The following TSC22D3 variants were observed in gnomAD, a reference collection of about 807,000 sequenced individuals.
TSC22D3 encodes the protein TSC22 domain family member 3.
Under a neutral mutation model 11.1 loss-of-function variants are expected in TSC22D3, and 4 were observed. That is an observed-to-expected ratio of 0.36 (90% CI 0.18 to 0.83). The LOEUF is 0.83. Ranked by LOEUF, TSC22D3 falls within the 40% of genes least tolerant of loss-of-function variation. The pLI is 0.48. For missense variants in TSC22D3, 118 were observed against 159.4 expected (o/e 0.74, Z 1.40); for synonymous variants, 77 against 70.3 (o/e 1.10, Z -0.48).
intron 1 of TSC22D3, chrX:107,722,239 T>G (rs926378733): frequency 1.3e-4 from 22 of 173,734 alleles, no homozygotes; most frequent in Non-Finnish European, 2.1e-4. Flanking sequence ...GGTGGAGAGA[T>G]GGACACTGTC....
Position 107,715,890 on chromosome X carries a change from G to A in TSC22D3, c.372+9C>T, listed in dbSNP as rs1428230488. 1 of 1,208,989 alleles carries A rather than the reference G, an allele frequency of 8.3e-7. No homozygotes were observed. Among genetic ancestry groups the A allele is most frequent in the Non-Finnish European group, 1.1e-6 (1 of 894,327 alleles). On this transcript the variant is annotated intron_variant, in intron 2 of 2. Transcript: ENST00000372383. ...CAGGGGATGAGAATGACGCAGTGATGCCACTCACCATGGCCTGTTCGATCT... is the reference window on the plus strand; with the variant it reads ...CAGGGGATGAGAATGACGCAGTGATACCACTCACCATGGCCTGTTCGATCT...
chrX:107,767,150 C>T (rs1157422776), intron 1 of TSC22D3, among the ~76,000 whole-genome samples: 1 of 112,090 alleles, frequency 8.9e-6, no homozygotes, highest in Non-Finnish European at 1.9e-5. Context: ...TGAACAGCTG[C>T]TCTCCATCTC....
intron 1 of TSC22D3, among the ~76,000 whole-genome samples, chrX:107,771,989 T>C (rs1044775635): frequency 5.3e-5 from 6 of 112,717 alleles, no homozygotes; most frequent in African/African-American, 1.9e-4. Context: ...AATATTTAAG[T>C]AGTCATCCAA....
intron 1 of TSC22D3, among the ~76,000 whole-genome samples, chrX:107,720,247 C>T (rs1927257777): frequency 9.0e-6 from 1 of 110,556 alleles, no homozygotes; most frequent in Non-Finnish European, 1.9e-5. Context: ...AGCCCAGACT[C>T]AGACAAGCTC....
chrX:107,754,639 A>G (rs962131280), intron 1 of TSC22D3, among the ~76,000 whole-genome samples: 1 of 111,961 alleles, frequency 8.9e-6, no homozygotes, highest in African/African-American at 3.2e-5. Context: ...AACAAGCATG[A>G]CCCTGGATGC....
At chrX:107,749,272 G>A (rs767199967) in intron 1 of TSC22D3, among the ~76,000 whole-genome samples, 1 of 110,184 alleles carries the variant, frequency 9.1e-6, no homozygotes, top group South Asian at 4.0e-4. Context: ...AGCTACTCAG[G>A]AGCTGAGGCA....
chrX:107,772,954 C>T (rs1004495075), intron 1 of TSC22D3, among the ~76,000 whole-genome samples: 2 of 112,818 alleles, frequency 1.8e-5, no homozygotes, highest in African/African-American at 3.2e-5. Context: ...CCAGCCTTAG[C>T]GAAGCCTGAG....
At chrX:107,770,014 G>T (rs1929836411) in intron 1 of TSC22D3, among the ~76,000 whole-genome samples, 1 of 112,360 alleles carries the variant, frequency 8.9e-6, no homozygotes, top group Non-Finnish European at 1.9e-5. Context: ...AAATTACTTT[G>T]GGCTATGAAA....
chrX:107,714,725 A>G lies in TSC22D3; in HGVS notation c.397T>C (p.Tyr133His). 1.7e-6 allele frequency: 2 copies of G among 1,211,535 alleles called. No individual in the cohort carries two copies. The highest frequency in any genetic ancestry group is 3.0e-5 in the East Asian group (1 of 33,831). Residue 133 changes from tyrosine (Y) to histidine (H), a missense_variant, in exon 3 of 3, where the codon TAT becomes CAT. Tyr to His is a moderately conservative substitution (Grantham distance 83, BLOSUM62 2). Coordinates refer to ENST00000372383, the MANE Select transcript of TSC22D3 (RefSeq NM_198057.3). ...AMDLVKNHLM[Y>H]AVREEVEILK... ...ATCTCCACCTCCTCTCTCACAGCAT[A>G]CATCAGATGATTCTTCACCAGATCC... is the stretch of plus-strand genomic sequence containing the variant.
At chrX:107,743,739 T>C (rs1388906827) in intron 1 of TSC22D3, among the ~76,000 whole-genome samples, 1 of 112,210 alleles carries the variant, frequency 8.9e-6, no homozygotes. Context: ...CTGCCCTCAT[T>C]CTTTCTAGAG....
chrX:107,766,530 G>A (rs1427959156), intron 1 of TSC22D3, among the ~76,000 whole-genome samples: 1 of 100,785 alleles, frequency 9.9e-6, no homozygotes, highest in Non-Finnish European at 2.0e-5. Context: ...AAGGAAGAGG[G>A]ACTTCTGCGA....
chrX:107,746,204 C>T (rs1216036605), intron 1 of TSC22D3, among the ~76,000 whole-genome samples: 2 of 111,146 alleles, frequency 1.8e-5, no homozygotes, highest in African/African-American at 3.3e-5. Context: ...AGAGGGGGCA[C>T]CTCTCTCTGT....
intron 1 of TSC22D3, among the ~76,000 whole-genome samples, chrX:107,721,283 C>T (rs751446821): frequency 8.9e-6 from 1 of 112,226 alleles, no homozygotes; most frequent in African/African-American, 3.2e-5. Context: ...GAAAGAAGTG[C>T]CTCAGCATTT....
chrX:107,774,944 C>T, intron 1 of TSC22D3, 156 bp downstream of exon 1: 1 of 604,397 alleles, frequency 1.7e-6, no homozygotes, highest in Middle Eastern at 5.0e-4. Context: ...CTCCGCGGTA[C>T]TCCAGGCAAC....
At chrX:107,728,216 A>G (rs1437739459) in intron 1 of TSC22D3, among the ~76,000 whole-genome samples, 1 of 112,257 alleles carries the variant, frequency 8.9e-6, no homozygotes, top group Non-Finnish European at 1.9e-5. Context: ...CTCGTGGAGA[A>G]CTATAGGCAC....
chrX:107,750,794 G>A lies in TSC22D3; in HGVS notation c.320+24306C>T, dbSNP rs753503707. Among the ~76,000 whole-genome samples the A allele has an allele frequency of 2.7e-5, 3 of 111,599 alleles. No homozygotes were observed. In the East Asian group the frequency reaches 8.4e-4, roughly 31 times the overall value. On this transcript the variant is annotated intron_variant, in intron 1 of 2. Coordinates refer to ENST00000372383, the MANE Select transcript of TSC22D3 (RefSeq NM_198057.3). ...ATGCCCAAGACTTTCACATAGCCAG[G>A]AGATGGGCAGTAGCTGACTCCCTGA...
Position 107,730,041 on chromosome X carries a change from A to G in TSC22D3, c.321-14091T>C, listed in dbSNP as rs1176620095. ...GATCTCAAAGCCTCATTGGGTCCAA[A>G]TAATATCAGCAGCTCCCATGTACTG... On this transcript the variant is annotated intron_variant, in intron 1 of 2. Coordinates refer to ENST00000372383, the MANE Select transcript of TSC22D3 (RefSeq NM_198057.3). Among the ~76,000 whole-genome samples the G allele has an allele frequency of 1.3e-4, 15 of 112,563 alleles. No homozygotes were observed. The Admixed American group carries it at 1.4e-3, about 10-fold the overall frequency.
intron 1 of TSC22D3, among the ~76,000 whole-genome samples, chrX:107,748,313 T>G (rs1928769193): frequency 8.9e-6 from 1 of 111,994 alleles, no homozygotes; most frequent in African/African-American, 3.3e-5. Flanking sequence ...TTTCCAATTC[T>G]AGCACTTGAA....
At chrX:107,715,055 G>A (rs753499213) in intron 2 of TSC22D3, among the ~76,000 whole-genome samples, 5 of 112,031 alleles carry the variant, frequency 4.5e-5, no homozygotes, top group Non-Finnish European at 9.4e-5. Context: ...CCTTTGGGGT[G>A]ACACTTCTGC....
Sources: allele counts gnomAD v4.1 joint callset (sites outside exome capture counted in the v4.1 genomes callset), GRCh38; gene constraint gnomAD v4.1.1; transcripts MANE v1.5; gene names NCBI Gene and HGNC (gene_info 2026-07-23, HGNC 2026-07-21).